ZNF521: variants seen among roughly 807,000 people sequenced by gnomAD.
The protein encoded by ZNF521 is LYST-interacting protein 3.
A neutral mutation model predicts 105.5 loss-of-function variants in ZNF521; 14 were observed. The ratio of observed to expected loss-of-function variants is 0.13; its 90% CI spans 0.09 to 0.21. The LOEUF (loss-of-function observed/expected upper bound fraction) is 0.21. Ranked by LOEUF, ZNF521 falls within the 10% of genes least tolerant of loss-of-function variation. The pLI, the probability that ZNF521 is intolerant of heterozygous loss-of-function variation, is 1.00. For missense variants in ZNF521, 1,233 were observed against 1,629.7 expected (o/e 0.76, Z 4.19); for synonymous variants, 635 against 606.0 (o/e 1.05, Z -0.70).
chr18:25,088,629 T>TA (rs1244008830), intron 7 of ZNF521, among the ~76,000 whole-genome samples: 2 of 152,196 alleles, frequency 1.3e-5, no homozygotes, highest in Non-Finnish European at 2.9e-5. Flanking sequence ...GATAAGACAT[T>TA]ATACCCATTT....
At chr18:25,126,840 G>A (rs1441689395) in intron 5 of ZNF521, among the ~76,000 whole-genome samples, 1 of 151,978 alleles carries the variant, frequency 6.6e-6, no homozygotes, top group African/African-American at 2.4e-5. Flanking sequence ...TACTGCACTT[G>A]TATTTTTTGG....
At chr18:25,081,350 C>T (rs534415274) in intron 7 of ZNF521, among the ~76,000 whole-genome samples, 2 of 152,216 alleles carry the variant, frequency 1.3e-5, no homozygotes, top group African/African-American at 4.8e-5. Context: ...CTTTTAATAG[C>T]GAAAACCAGC....
chr18:25,294,688 C>T (rs1568061535), intron 3 of ZNF521, among the ~76,000 whole-genome samples: 1 of 151,670 alleles, frequency 6.6e-6, no homozygotes, highest in Non-Finnish European at 1.5e-5. Context: ...AACTCCATCT[C>T]CACTAAAAAT....
intron 5 of ZNF521, among the ~76,000 whole-genome samples, chr18:25,177,269 T>C (rs940203211): frequency 2.0e-5 from 3 of 152,130 alleles, no homozygotes; most frequent in African/African-American, 2.4e-5. Context: ...TGCTGACCAT[T>C]TGGTTTTAAG....
chr18:25,077,541 A>T (rs892158333), intron 7 of ZNF521, among the ~76,000 whole-genome samples: 3 of 151,986 alleles, frequency 2.0e-5, no homozygotes, highest in Non-Finnish European at 4.4e-5. Flanking sequence ...TGTTTTTTTT[A>T]AGAGTAAAAA....
intron 2 of ZNF521, among the ~76,000 whole-genome samples, chr18:25,328,062 A>G (rs1302895707): frequency 1.3e-5 from 2 of 152,124 alleles, no homozygotes; most frequent in African/African-American, 4.8e-5. Context: ...TGCAATGTTT[A>G]TTTTCTAACC....
At chr18:25,248,041 T>C (rs1032441385) in intron 3 of ZNF521, among the ~76,000 whole-genome samples, 1 of 152,148 alleles carries the variant, frequency 6.6e-6, no homozygotes, top group Non-Finnish European at 1.5e-5. Context: ...AAGAAGACTA[T>C]TAGGATAAAA....
chr18:25,111,023 G>A (rs8099703), intron 5 of ZNF521, among the ~76,000 whole-genome samples: 68,110 of 151,592 alleles, frequency 0.45, 15,427 homozygotes, highest in South Asian at 0.57. Context: ...TCAGCCTCCC[G>A]AAGTGCTGGA....
At chr18:25,328,022 G>A (rs530415341) in intron 2 of ZNF521, among the ~76,000 whole-genome samples, 10 of 152,102 alleles carry the variant, frequency 6.6e-5, no homozygotes, top group Non-Finnish European at 1.5e-4. Flanking sequence ...CTGTGGTCAC[G>A]GATAAGAATG....
chr18:25,166,455 T>G (rs930340857), intron 5 of ZNF521, among the ~76,000 whole-genome samples: 9 of 152,202 alleles, frequency 5.9e-5, no homozygotes, highest in African/African-American at 2.2e-4. Context: ...CCATAGGATA[T>G]ATTTCTGGTT....
chr18:25,170,899 C>T (rs1364654657), intron 5 of ZNF521, among the ~76,000 whole-genome samples: 2 of 152,022 alleles, frequency 1.3e-5, no homozygotes, highest in African/African-American at 4.8e-5. Flanking sequence ...CCAAATAAAT[C>T]AGTTGCTACC....
intron 2 of ZNF521, among the ~76,000 whole-genome samples, chr18:25,335,770 C>G (rs993602399): frequency 2.6e-5 from 4 of 152,140 alleles, no homozygotes; most frequent in African/African-American, 9.7e-5. Flanking sequence ...AACTTTATGA[C>G]AGTTTACATT....
chr18:25,121,489 G>A (rs1034891087), intron 5 of ZNF521, among the ~76,000 whole-genome samples: 1 of 151,896 alleles, frequency 6.6e-6, no homozygotes, highest in Non-Finnish European at 1.5e-5. Flanking sequence ...CTGACCTTGC[G>A]ATCTGCCCTC....
rs919246093 is a variant in ZNF521 at position 25,132,905 on chromosome 18, C to T, written c.3659-40824G>A. Among the ~76,000 whole-genome samples, 3 of 152,208 alleles carry T rather than the reference C, an allele frequency of 2.0e-5. 1 individual carries two copies. The highest frequency in any genetic ancestry group is 6.8e-3 in the Middle Eastern group (2 of 294). On this transcript the variant is annotated intron_variant, in intron 5 of 7. Transcript: ENST00000361524. Reference sequence around the variant, plus strand: ...GATCTGGAAACATACAGATGCCAAACGGGAGCATAAATTCTACCGTCTGCC... The same window carrying T: ...GATCTGGAAACATACAGATGCCAAATGGGAGCATAAATTCTACCGTCTGCC...
intron 1 of ZNF521, 72 bp downstream of exon 1, chr18:25,351,927 CAGGAGG>C (rs993170668): frequency 2.5e-4 from 69 of 280,912 alleles, no homozygotes; most frequent in African/African-American, 3.7e-4. Flanking sequence ...GCGGCGAGAG[CAGGAGG>C]AGGAGGAGGA....
At chr18:25,320,918 G>C (rs965899939) in intron 3 of ZNF521, among the ~76,000 whole-genome samples, 2 of 152,182 alleles carry the variant, frequency 1.3e-5, no homozygotes, top group African/African-American at 4.8e-5. Flanking sequence ...TCTTTGAAGA[G>C]AAGAGCCACA....
chr18:25,262,567 T>A (rs762260280), intron 3 of ZNF521, among the ~76,000 whole-genome samples: 1 of 152,224 alleles, frequency 6.6e-6, no homozygotes, highest in Non-Finnish European at 1.5e-5. Context: ...TCATCTACTA[T>A]GATCAGAGAA....
At chr18:25,132,626 A>C (rs2034661279) in intron 5 of ZNF521, among the ~76,000 whole-genome samples, 1 of 152,172 alleles carries the variant, frequency 6.6e-6, no homozygotes, top group Non-Finnish European at 1.5e-5. Context: ...AAGCCTAATG[A>C]ACCCAGATTT....
intron 7 of ZNF521, among the ~76,000 whole-genome samples, chr18:25,086,908 G>A (rs943888350): frequency 8.5e-5 from 13 of 152,270 alleles, no homozygotes; most frequent in African/African-American, 2.9e-4. Context: ...GGGTGGCCCA[G>A]GGACTTCTGT....
Sources: allele counts gnomAD v4.1 joint callset (sites outside exome capture counted in the v4.1 genomes callset), GRCh38; gene constraint gnomAD v4.1.1; transcripts MANE v1.5; gene names NCBI Gene and HGNC (gene_info 2026-07-23, HGNC 2026-07-21).